Variants in CATSPERE observed in about 807,000 individuals in gnomAD.
CATSPERE encodes cation channel sperm-associated auxiliary subunit epsilon.
In CATSPERE, 93 loss-of-function variants were observed where a neutral mutation model predicts 114.1. The ratio of observed to expected loss-of-function variants is 0.81; its 90% CI spans 0.69 to 0.97. The LOEUF (loss-of-function observed/expected upper bound fraction) is 0.97. CATSPERE is among the 50% of genes least tolerant of loss of function. The pLI, the probability that CATSPERE is intolerant of heterozygous loss-of-function variation, is 0.00. For missense variants in CATSPERE, 1,058 were observed against 1,131.6 expected, an observed-to-expected ratio of 0.93 and a Z score of 0.93; for synonymous variants, 341 against 384.1, an observed-to-expected ratio of 0.89 and a Z score of 1.31.
rs996779437 is a variant in CATSPERE at position 244,633,204 on chromosome 1, T to C, written c.2649-2285T>C. ...TCAACATTCCTTTCTCAGAAATTGATAGGACAAGTAGAGAGAAAATCAGTA... is the reference window on the plus strand; with the variant it reads ...TCAACATTCCTTTCTCAGAAATTGACAGGACAAGTAGAGAGAAAATCAGTA... On this transcript the variant is annotated intron_variant, in intron 20 of 21. Coordinates refer to ENST00000366534, the MANE Select transcript of CATSPERE (RefSeq NM_001130957.2). This position sits in a 1 kb window ranked among gnomAD's most constrained non-coding sequence, Gnocchi z 4.1. Among the ~76,000 whole-genome samples the C allele has an allele frequency of 6.6e-6, 1 of 152,312 alleles. No individual in the cohort carries two copies. The highest frequency in any genetic ancestry group is 2.4e-5 in the African/African-American group (1 of 41,566).
At chr1:244,563,045 C>A (rs976972553) in intron 10 of CATSPERE, among the ~76,000 whole-genome samples, 2 of 152,162 alleles carry the variant, frequency 1.3e-5, no homozygotes, top group African/African-American at 4.8e-5. Context: ...TTATCCATGT[C>A]CCTGCAAAGG....
intron 9 of CATSPERE, among the ~76,000 whole-genome samples, chr1:244,557,328 G>A (rs1056405432): frequency 6.6e-6 from 1 of 150,862 alleles, no homozygotes; most frequent in Non-Finnish European, 1.5e-5. Context: ...GTATTATTAT[G>A]GACATTTTAA....
At chr1:244,479,855 C>G in intron 5 of CATSPERE, 71 bp downstream of exon 5, 1 of 792,918 alleles carries the variant, frequency 1.3e-6, no homozygotes, top group Non-Finnish European at 2.0e-6. Context: ...TAATTAGCCA[C>G]AAATAGATTA....
chr1:244,585,469 C>G (rs186805997), intron 13 of CATSPERE, among the ~76,000 whole-genome samples: 1 of 152,310 alleles, frequency 6.6e-6, no homozygotes, highest in East Asian at 1.9e-4. Context: ...TTTCAGGCAA[C>G]AGGAAATGTG....
At chr1:244,540,041 A>G (rs932694821) in intron 8 of CATSPERE, among the ~76,000 whole-genome samples, 1 of 151,504 alleles carries the variant, frequency 6.6e-6, no homozygotes, top group Non-Finnish European at 1.5e-5. Flanking sequence ...ACAAACTCAC[A>G]GCCAATATCA....
intron 8 of CATSPERE, among the ~76,000 whole-genome samples, chr1:244,533,894 T>C (rs1679980566): frequency 7.2e-6 from 1 of 139,822 alleles, no homozygotes; most frequent in Admixed American, 7.3e-5. Flanking sequence ...GCTCACTGTC[T>C]TTTTCTTTTA....
At chr1:244,484,814 A>G (rs1670748596) in intron 5 of CATSPERE, among the ~76,000 whole-genome samples, 1 of 152,170 alleles carries the variant, frequency 6.6e-6, no homozygotes, top group South Asian at 2.1e-4. Context: ...CGGTTCCTTT[A>G]GGGAAGATTT....
Position 244,560,660 on chromosome 1 carries a change from T to C in CATSPERE, c.1030-8T>C. The C allele has an allele frequency of 1.4e-6, 2 of 1,424,178 alleles. No homozygotes were observed. The highest frequency in any genetic ancestry group is 2.9e-5 in the African/African-American group (2 of 68,404). 88.2% of individuals were successfully genotyped at this position (1,424,178 alleles called of 1,614,324 possible). On this transcript the variant is annotated splice_region_variant and splice_polypyrimidine_tract_variant and intron_variant, in intron 9 of 21. Transcript: ENST00000366534. ...AGATCTTTCTCATCATTTTTCATTT[T>C]GTCACAGGCTAAAGGAAGAAGAAGC...
At chr1:244,554,698 C>T (rs1661314727) in intron 9 of CATSPERE, among the ~76,000 whole-genome samples, 1 of 124,142 alleles carries the variant, frequency 8.1e-6, no homozygotes, top group African/African-American at 3.1e-5. Flanking sequence ...CTGTTCATGA[C>T]CTTTGCCCAC....
At chr1:244,540,766 C>G (rs1424395657) in intron 8 of CATSPERE, among the ~76,000 whole-genome samples, 2 of 118,322 alleles carry the variant, frequency 1.7e-5, no homozygotes, top group Non-Finnish European at 3.6e-5. Context: ...TACTACAAGG[C>G]TACAGTAACC....
chr1:244,616,752 A>T (rs1018910507), intron 19 of CATSPERE, among the ~76,000 whole-genome samples: 3 of 152,246 alleles, frequency 2.0e-5, no homozygotes, highest in Non-Finnish European at 4.4e-5. Context: ...CAAGTTTCCA[A>T]CACATGAACT....
intron 20 of CATSPERE, among the ~76,000 whole-genome samples, chr1:244,618,893 G>A (rs928598262): frequency 3.3e-5 from 5 of 152,090 alleles, no homozygotes; most frequent in Middle Eastern, 3.2e-3. Context: ...ATGGAAAGAA[G>A]GGAAAAAAGA....
intron 20 of CATSPERE, among the ~76,000 whole-genome samples, chr1:244,629,268 C>T (rs1242976456): frequency 2.0e-5 from 3 of 152,150 alleles, no homozygotes; most frequent in Non-Finnish European, 2.9e-5. Context: ...ATCACCTGGA[C>T]CATCTAGACG....
intron 19 of CATSPERE, among the ~76,000 whole-genome samples, chr1:244,616,894 TAGA>T (rs554547097): frequency 6.1e-4 from 93 of 152,314 alleles, no homozygotes; most frequent in African/African-American, 2.2e-3. Context: ...GCAAGAATGG[TAGA>T]AGAAGAGTCC....
At chr1:244,601,517 G>A (rs568316185) in intron 17 of CATSPERE, among the ~76,000 whole-genome samples, 1 of 152,190 alleles carries the variant, frequency 6.6e-6, no homozygotes, top group African/African-American at 2.4e-5. Flanking sequence ...AAATAAGACA[G>A]ATTACCTACA....
chr1:244,488,465 C>T (rs554852723), intron 5 of CATSPERE, among the ~76,000 whole-genome samples: 1 of 152,158 alleles, frequency 6.6e-6, no homozygotes, highest in Non-Finnish European at 1.5e-5. Flanking sequence ...CAACTCTACA[C>T]TTCAGCCTGT....
intron 8 of CATSPERE, among the ~76,000 whole-genome samples, chr1:244,549,150 A>G (rs986434443): frequency 6.6e-6 from 1 of 152,214 alleles, no homozygotes; most frequent in African/African-American, 2.4e-5. Flanking sequence ...ATGCTCTGTG[A>G]TTAAGGCCAA....
chr1:244,480,615 T>C (rs1670105639), intron 5 of CATSPERE, among the ~76,000 whole-genome samples: 1 of 55,740 alleles, frequency 1.8e-5, no homozygotes, highest in Admixed American at 1.9e-4. Context: ...AGAATACTCA[T>C]GTCTTCAGTA....
intron 20 of CATSPERE, among the ~76,000 whole-genome samples, chr1:244,617,994 T>G: frequency 6.6e-6 from 1 of 151,538 alleles, no homozygotes; most frequent in Non-Finnish European, 1.5e-5. Context: ...GAAGGAGGAG[T>G]TGGGGGAGGG....
Sources: allele counts gnomAD v4.1 joint callset (sites outside exome capture counted in the v4.1 genomes callset), GRCh38; gene constraint gnomAD v4.1.1; non-coding constraint Gnocchi (gnomAD v3.1); transcripts MANE v1.5; gene names NCBI Gene and HGNC (gene_info 2026-07-23, HGNC 2026-07-21).